The following DNM1L variants were observed in gnomAD, a reference collection of about 807,000 sequenced individuals.
DNM1L encodes the protein dynamin 1L, also known as dynamin-1-like protein.
DNM1L carries 33 observed loss-of-function variants against 92.8 expected under a neutral mutation model. That is an observed-to-expected ratio of 0.36 (90% confidence interval 0.27 to 0.48). The LOEUF (loss-of-function observed/expected upper bound fraction) is 0.48. DNM1L is among the 20% of genes least tolerant of loss of function. The pLI is 0.99. For missense variants in DNM1L, 485 were observed against 888.8 expected (o/e 0.55, Z 5.78); for synonymous variants, 284 against 305.0 (o/e 0.93, Z 0.72).
chr12:32,744,768 C>T lies in DNM1L; in HGVS notation c.*1358C>T. 2.4e-6 allele frequency: 1 copy of T among 420,206 alleles called. No individual in the cohort carries two copies. Among genetic ancestry groups the T allele is most frequent in the Non-Finnish European group, 4.6e-6 (1 of 216,286 alleles). 26.0% of individuals were successfully genotyped at this position (420,206 alleles called of 1,614,324 possible). A position where few individuals can be genotyped will look rare whatever the true frequency, so the allele number is the denominator to read the frequency against. ...AGATACACATACTCCTTCAGACTTA[C>T]AGACCTAAGCTGCATTTATGGGGTA... On this transcript the variant is annotated 3_prime_UTR_variant, in exon 20 of 20. Coordinates refer to ENST00000549701, the MANE Select transcript of DNM1L (RefSeq NM_012062.5).
chr12:32,735,250 C>T (rs548396751), intron 13 of DNM1L, among the ~76,000 whole-genome samples: 1 of 151,972 alleles, frequency 6.6e-6, no homozygotes, highest in South Asian at 2.1e-4. Context: ...TTTACCATAC[C>T]CTGAGGGCAG....
At chr12:32,739,718 T>C (rs1456066456) in intron 16 of DNM1L, 5 of 250,306 alleles carry the variant, frequency 2.0e-5, no homozygotes, top group Non-Finnish European at 3.9e-5. Context: ...CGAGTAGTTT[T>C]GTTTTTAAGG....
chr12:32,738,104 T>C, intron 15 of DNM1L, 160 bp from the exon 16 acceptor site: 1 of 1,056,472 alleles, frequency 9.5e-7, no homozygotes, highest in Admixed American at 2.3e-5. Flanking sequence ...AACAATGCAA[T>C]GCATAGTTTA....
chr12:32,687,347 G>A (rs1952056334), intron 1 of DNM1L, among the ~76,000 whole-genome samples: 1 of 151,070 alleles, frequency 6.6e-6, no homozygotes, highest in Non-Finnish European at 1.5e-5. Context: ...CATTTTTTTT[G>A]CACGTGCTTC....
intron 6 of DNM1L, among the ~76,000 whole-genome samples, chr12:32,713,685 G>A (rs558571819): frequency 1.3e-5 from 2 of 152,020 alleles, no homozygotes; most frequent in African/African-American, 4.8e-5. Flanking sequence ...TGACTTTTAA[G>A]AATAAATAAC....
chr12:32,719,585 AG>A, intron 7 of DNM1L, among the ~76,000 whole-genome samples: 1 of 152,128 alleles, frequency 6.6e-6, no homozygotes, highest in South Asian at 2.1e-4. Flanking sequence ...GTCTAATTAA[AG>A]GTGACAAGAT....
intron 9 of DNM1L, among the ~76,000 whole-genome samples, chr12:32,727,691 A>G (rs1305198961): frequency 6.6e-6 from 1 of 152,224 alleles, no homozygotes; most frequent in Non-Finnish European, 1.5e-5. Flanking sequence ...AAATCATGTA[A>G]CAAATAACTT....
chr12:32,743,812 A>G lies in DNM1L; in HGVS notation c.*402A>G, dbSNP rs886049289. Reference sequence around the variant, plus strand: ...AGAAAGCACCAAGACAACATTTCATATGACTATAATGCATGTACTATATAA... The same window carrying G: ...AGAAAGCACCAAGACAACATTTCATGTGACTATAATGCATGTACTATATAA... On this transcript the variant is annotated 3_prime_UTR_variant, in exon 20 of 20. Transcript: ENST00000549701. The G allele has an allele frequency of 4.9e-4, 112 of 229,794 alleles. No homozygotes were observed. Among genetic ancestry groups the G allele is most frequent in the Non-Finnish European group, 8.3e-4 (96 of 115,214 alleles). 14.2% of individuals were successfully genotyped at this position (229,794 alleles called of 1,614,324 possible). A position where few individuals can be genotyped will look rare whatever the true frequency, so the allele number is the denominator to read the frequency against.
At chr12:32,724,638 ATAAAT>A (rs1443271786) in intron 9 of DNM1L, among the ~76,000 whole-genome samples, 2 of 143,372 alleles carry the variant, frequency 1.4e-5, no homozygotes, top group Admixed American at 7.0e-5. Flanking sequence ...TTAATTAAAT[ATAAAT>A]TAAATATTTA....
At chr12:32,694,337 G>A (rs1952349438) in intron 1 of DNM1L, among the ~76,000 whole-genome samples, 1 of 152,152 alleles carries the variant, frequency 6.6e-6, no homozygotes, top group Non-Finnish European at 1.5e-5. Flanking sequence ...GCCTGCCTTG[G>A]CCTCCCAAAG....
chr12:32,701,709 T>TAAA, intron 2 of DNM1L, 147 bp downstream of exon 2: 1 of 753,780 alleles, frequency 1.3e-6, no homozygotes, highest in Non-Finnish European at 2.1e-6. Flanking sequence ...TTTCTTAATG[T>TAAA]AAAAAAAAGA....
At chr12:32,683,051 C>T (rs1951867005) in intron 1 of DNM1L, among the ~76,000 whole-genome samples, 1 of 152,008 alleles carries the variant, frequency 6.6e-6, no homozygotes, top group Admixed American at 6.6e-5. Context: ...GGGGAGCCCT[C>T]CAGGTATGTA....
In DNM1L at chr12:32,737,143, A is replaced by G; in HGVS notation, c.1578A>G (p.Ser526=). ...RRNRLARELP[S]AVSRDKSSKV... ...ACAGGCTAGCCAGAGAATTACCTTC[A>G]GCTGTATCACGAGACAAGGTAAAAA... Residue 526 remains serine, a synonymous_variant, in exon 14 of 20, where the codon TCA becomes TCG. Transcript: ENST00000549701. The G allele has an allele frequency of 1.2e-6, 2 of 1,613,802 alleles. No individual in the cohort carries two copies. The highest frequency in any genetic ancestry group is 1.1e-5 in the South Asian group (1 of 91,072).
At chr12:32,723,060 A>G (rs2137448945) in intron 9 of DNM1L, among the ~76,000 whole-genome samples, 1 of 152,184 alleles carries the variant, frequency 6.6e-6, no homozygotes, top group South Asian at 2.1e-4. Context: ...AGTCCCAGCT[A>G]CTCAGAAGGC....
At chr12:32,690,128 G>C (rs778592837) in intron 1 of DNM1L, among the ~76,000 whole-genome samples, 5 of 152,130 alleles carry the variant, frequency 3.3e-5, no homozygotes, top group Non-Finnish European at 7.4e-5. Context: ...ATCACCAGGT[G>C]GGGGAAAAAG....
At chr12:32,727,534 A>C in intron 9 of DNM1L, 1 of 560,806 alleles carries the variant, frequency 1.8e-6, no homozygotes, top group Non-Finnish European at 3.2e-6. Context: ...AAATGGAAAA[A>C]AAAACCACTC....
rs1953209862 is a variant in DNM1L, at chr12:32,713,232, G to A, written c.480G>A (p.Lys160=). ...MTKVPVGDQP[K]DIELQIRELI... ...AGGTGCCTGTAGGTGATCAACCTAAGGATATTGAGCTTCAAATCAGAGAGC... is the reference window on the plus strand; with the variant it reads ...AGGTGCCTGTAGGTGATCAACCTAAAGATATTGAGCTTCAAATCAGAGAGC... Residue 160 remains lysine (K), a synonymous_variant, in exon 6 of 20, where the codon AAG becomes AAA. Transcript: ENST00000549701. 2 of 1,613,768 alleles carry A rather than the reference G, an allele frequency of 1.2e-6. No individual in the cohort carries two copies. The highest frequency in any genetic ancestry group is 2.2e-5 in the East Asian group (1 of 44,818).
intron 9 of DNM1L, among the ~76,000 whole-genome samples, 188 bp from the exon 10 acceptor site, chr12:32,730,826 T>TA (rs1427441985): frequency 2.4e-4 from 36 of 152,266 alleles, no homozygotes; most frequent in East Asian, 5.8e-4. Flanking sequence ...TTTTCCCCTT[T>TA]AAAAAAATTA....
chr12:32,706,359 G>A (rs773703233), intron 2 of DNM1L, among the ~76,000 whole-genome samples: 1 of 152,172 alleles, frequency 6.6e-6, no homozygotes, highest in Non-Finnish European at 1.5e-5. Flanking sequence ...TCAGGAGGCT[G>A]ATATGCATTA....
Sources: allele counts gnomAD v4.1 joint callset (sites outside exome capture counted in the v4.1 genomes callset), GRCh38; gene constraint gnomAD v4.1.1; transcripts MANE v1.5; gene names NCBI Gene and HGNC (gene_info 2026-07-23, HGNC 2026-07-21).